GRID1: variants seen among roughly 807,000 people sequenced by gnomAD.
GRID1 encodes the protein glutamate receptor ionotropic, delta-1.
GRID1 carries 28 observed loss-of-function variants against 98.0 expected under a neutral mutation model. The ratio of observed to expected loss-of-function variants is 0.29; its 90% CI spans 0.21 to 0.39. The LOEUF is 0.39. Ranked by LOEUF, GRID1 falls within the 10% of genes least tolerant of loss-of-function variation. The pLI, the probability that GRID1 is intolerant of heterozygous loss-of-function variation, is 1.00. For missense variants in GRID1, 1,111 were observed against 1,340.5 expected (o/e 0.83, Z 2.67); for synonymous variants, 553 against 538.5 (o/e 1.03, Z -0.37).
At chr10:86,016,755 C>A (rs1212859391) in intron 4 of GRID1, among the ~76,000 whole-genome samples, 1 of 152,164 alleles carries the variant, frequency 6.6e-6, no homozygotes, top group African/African-American at 2.4e-5. Context: ...CTCTGCCTCC[C>A]ATTTCTAAAC....
chr10:85,734,015 G>T (rs989342528), intron 8 of GRID1, among the ~76,000 whole-genome samples: 3 of 152,180 alleles, frequency 2.0e-5, no homozygotes, highest in Non-Finnish European at 2.9e-5. Context: ...CCTATCACAT[G>T]CACTTGTACG....
At chr10:85,757,231 A>C (rs1043923719) in intron 8 of GRID1, among the ~76,000 whole-genome samples, 3 of 152,204 alleles carry the variant, frequency 2.0e-5, no homozygotes, top group African/African-American at 4.8e-5. Context: ...TTGGAAGAAC[A>C]AGCCTCTCAC....
chr10:86,229,685 C>T (rs79238804), intron 2 of GRID1, among the ~76,000 whole-genome samples: 1,777 of 152,284 alleles, frequency 0.012, 27 homozygotes, highest in African/African-American at 0.04. Context: ...GAGTTCAACT[C>T]ATCTGGCTTC....
intron 4 of GRID1, among the ~76,000 whole-genome samples, chr10:85,974,413 T>C (rs1221833121): frequency 1.3e-5 from 2 of 152,218 alleles, no homozygotes; most frequent in African/African-American, 4.8e-5. Context: ...GCCTGATAAG[T>C]AGCAAGAACA....
At chr10:85,915,673 AAC>A (rs1043816865) in intron 5 of GRID1, among the ~76,000 whole-genome samples, 8 of 151,406 alleles carry the variant, frequency 5.3e-5, no homozygotes, top group Admixed American at 2.0e-4. Flanking sequence ...CTCATACACA[AAC>A]ACACATACAC....
At chr10:86,360,487 C>G (rs535789649) in intron 2 of GRID1, among the ~76,000 whole-genome samples, 1 of 152,148 alleles carries the variant, frequency 6.6e-6, no homozygotes, top group Admixed American at 6.5e-5. Flanking sequence ...ATGCTCATTG[C>G]AGCAATGCAT....
intron 3 of GRID1, among the ~76,000 whole-genome samples, chr10:86,175,036 T>G (rs1386475635): frequency 1.3e-5 from 2 of 152,148 alleles, no homozygotes; most frequent in Non-Finnish European, 2.9e-5. Context: ...ACTTTTACAC[T>G]GTTGGTGGGA....
intron 5 of GRID1, among the ~76,000 whole-genome samples, chr10:85,874,458 A>G (rs1393488850): frequency 1.3e-5 from 2 of 152,166 alleles, no homozygotes; most frequent in Admixed American, 6.5e-5. Context: ...CTAATTCTTA[A>G]TAAGGTTGAA....
intron 4 of GRID1, among the ~76,000 whole-genome samples, chr10:86,116,258 T>G (rs1377581452): frequency 6.6e-6 from 1 of 152,202 alleles, no homozygotes; most frequent in Non-Finnish European, 1.5e-5. Flanking sequence ...CTTACAAAAT[T>G]TTATTTCACA....
intron 3 of GRID1, among the ~76,000 whole-genome samples, chr10:86,193,752 A>G (rs1189186080): frequency 1.3e-5 from 2 of 151,896 alleles, no homozygotes; most frequent in African/African-American, 4.8e-5. Context: ...TCCTTTCTGA[A>G]TTCCTGCCAG....
chr10:85,986,730 G>A (rs1353929924), intron 4 of GRID1, among the ~76,000 whole-genome samples: 1 of 152,186 alleles, frequency 6.6e-6, no homozygotes, highest in Non-Finnish European at 1.5e-5. Flanking sequence ...TCTAAGAGAG[G>A]TGCAACATTC....
chr10:85,727,753 T>C, intron 10 of GRID1, 102 bp downstream of exon 10: 6 of 813,302 alleles, frequency 7.4e-6, no homozygotes, highest in South Asian at 6.1e-5. Context: ...GTGGTCTGTT[T>C]AGCTGGTCCC....
intron 2 of GRID1, among the ~76,000 whole-genome samples, chr10:86,295,891 T>A (rs1564731753): frequency 6.6e-6 from 1 of 152,224 alleles, no homozygotes; most frequent in Non-Finnish European, 1.5e-5. Context: ...CCTGCTCACC[T>A]GCACTGTGGA....
At chr10:85,606,975 G>A (rs928177468) in intron 15 of GRID1, 2 of 152,126 alleles carry the variant, frequency 1.3e-5, no homozygotes, top group Non-Finnish European at 1.5e-5. Context: ...TTAATTTACT[G>A]TAGGTAACTG....
chr10:86,006,267 G>C (rs150392349), intron 4 of GRID1, among the ~76,000 whole-genome samples: 4 of 152,260 alleles, frequency 2.6e-5, no homozygotes, highest in African/African-American at 9.6e-5. Flanking sequence ...TGGGAAAAAA[G>C]GTTAATTTCA....
intron 8 of GRID1, among the ~76,000 whole-genome samples, chr10:85,742,650 T>A (rs1207919893): frequency 6.6e-6 from 1 of 152,200 alleles, no homozygotes; most frequent in Non-Finnish European, 1.5e-5. Context: ...ATCACATTCA[T>A]ATTTCCCTGA....
intron 3 of GRID1, among the ~76,000 whole-genome samples, chr10:86,161,836 A>T (rs1309855436): frequency 6.6e-6 from 1 of 152,192 alleles, no homozygotes; most frequent in South Asian, 2.1e-4. Context: ...TGATAACAAC[A>T]TCTCAATCCA....
chr10:86,182,430 C>T (rs1845669399), intron 3 of GRID1, among the ~76,000 whole-genome samples: 1 of 152,256 alleles, frequency 6.6e-6, no homozygotes, highest in Admixed American at 6.5e-5. Context: ...CCCAGCACGG[C>T]AGCCTGGTGT....
At chr10:86,078,827 C>T (rs940210713) in intron 4 of GRID1, among the ~76,000 whole-genome samples, 2 of 152,230 alleles carry the variant, frequency 1.3e-5, no homozygotes, top group African/African-American at 4.8e-5. Context: ...ACTGTGTTTG[C>T]CTTCCCCCAG....
Sources: allele counts gnomAD v4.1 joint callset (sites outside exome capture counted in the v4.1 genomes callset), GRCh38; gene constraint gnomAD v4.1.1; transcripts MANE v1.5; gene names NCBI Gene and HGNC (gene_info 2026-07-23, HGNC 2026-07-21).